Variants in PPP2R2C observed in about 807,000 individuals in gnomAD.
PPP2R2C encodes the protein protein phosphatase 2 regulatory subunit Bgamma.
PPP2R2C carries 10 observed loss-of-function variants against 45.3 expected under a neutral mutation model. That is an observed-to-expected ratio of 0.22 (90% CI 0.14 to 0.37). The LOEUF is 0.37. PPP2R2C is among the 10% of genes least tolerant of loss of function. PPP2R2C has a pLI of 1.00. For missense variants in PPP2R2C, 308 were observed against 619.7 expected (o/e 0.50, Z 5.34); for synonymous variants, 257 against 245.4 (o/e 1.05, Z -0.44).
chr4:6,488,678 T>G (rs536534042), intron 2 of PPP2R2C, among the ~76,000 whole-genome samples: 1 of 117,792 alleles, frequency 8.5e-6, no homozygotes, highest in Non-Finnish European at 2.0e-5. Flanking sequence ...AGCAAAACCC[T>G]GTCTAAAAAA....
chr4:6,414,881 G>A (rs547377449), intron 1 of PPP2R2C, among the ~76,000 whole-genome samples: 1 of 152,206 alleles, frequency 6.6e-6, no homozygotes, highest in African/African-American at 2.4e-5. Flanking sequence ...CTAGCCGCCT[G>A]TGGATGCTCA....
chr4:6,408,780 G>T (rs1717967794), intron 1 of PPP2R2C, among the ~76,000 whole-genome samples: 2 of 152,066 alleles, frequency 1.3e-5, no homozygotes, highest in Non-Finnish European at 2.9e-5. Context: ...TGCAGAGGCA[G>T]TGGGTAGAGA....
intron 1 of PPP2R2C, among the ~76,000 whole-genome samples, chr4:6,459,792 C>A (rs1220486572): frequency 1.3e-5 from 2 of 150,386 alleles, no homozygotes; most frequent in South Asian, 2.1e-4. Flanking sequence ...GTCACACACA[C>A]ACAAAAAAAC....
In PPP2R2C at chr4:6,472,397, G is replaced by A; in HGVS notation, c.-168C>T. The A allele has an allele frequency of 1.1e-6, 1 of 919,598 alleles. No individual in the cohort carries two copies. The highest frequency in any genetic ancestry group is 1.3e-6 in the Non-Finnish European group (1 of 770,290). 57.0% of individuals were successfully genotyped at this position (919,598 alleles called of 1,614,324 possible). A position where few individuals can be genotyped will look rare whatever the true frequency, so the allele number is the denominator to read the frequency against. On this transcript the variant is annotated 5_prime_UTR_variant, in exon 1 of 9. Coordinates refer to ENST00000382599, the MANE Select transcript of PPP2R2C (RefSeq NM_020416.4). ...GCAGGGGGACGGGCGGGGGCGGCCG[G>A]GGGCGGGCGCCGCGGTCAAGCGAGC...
intron 2 of PPP2R2C, among the ~76,000 whole-genome samples, chr4:6,534,097 C>T (rs1443126392): frequency 2.0e-5 from 3 of 149,958 alleles, no homozygotes; most frequent in African/African-American, 7.4e-5. Flanking sequence ...AACACATACA[C>T]TAAAACACAC....
chr4:6,418,075 A>C (rs1718716327), intron 1 of PPP2R2C, among the ~76,000 whole-genome samples: 1 of 152,138 alleles, frequency 6.6e-6, no homozygotes. Context: ...CGCCTTGGGA[A>C]GTCACTTGCT....
At chr4:6,541,500 C>G (rs1724801358) in intron 1 of PPP2R2C, among the ~76,000 whole-genome samples, 1 of 152,134 alleles carries the variant, frequency 6.6e-6, no homozygotes, top group Non-Finnish European at 1.5e-5. Context: ...CTCAAAAACC[C>G]TGCCCTGACC....
Position 6,345,726 on chromosome 4 carries a change from C to A in PPP2R2C, c.790+2120G>T, listed in dbSNP as rs533365414. ...GGCCAGTGAGCTGGCTGTGGGACTG[C>A]GGACTGAGACTATACATATGCCCTG... On this transcript the variant is annotated intron_variant, in intron 6 of 8. Coordinates refer to ENST00000382599, the MANE Select transcript of PPP2R2C (RefSeq NM_020416.4). The surrounding 1 kb of genome is among the most constrained non-coding windows in gnomAD (Gnocchi z 5.3). 6.6e-6 allele frequency among the ~76,000 whole-genome samples: 1 copy of A among 152,054 alleles called. No homozygotes were observed. The highest frequency in any genetic ancestry group is 1.5e-5 in the Non-Finnish European group (1 of 68,014).
intron 1 of PPP2R2C, among the ~76,000 whole-genome samples, chr4:6,554,062 G>A (rs1313158242): frequency 6.6e-6 from 1 of 152,212 alleles, no homozygotes; most frequent in Non-Finnish European, 1.5e-5. Context: ...GGGGGTGACT[G>A]CTATGGGTTG....
At chr4:6,505,428 C>A (rs1723192552) in intron 2 of PPP2R2C, among the ~76,000 whole-genome samples, 1 of 152,142 alleles carries the variant, frequency 6.6e-6, no homozygotes, top group African/African-American at 2.4e-5. Context: ...AAAATCATTA[C>A]ATTGTATTGT....
intron 2 of PPP2R2C, among the ~76,000 whole-genome samples, chr4:6,481,952 C>T (rs1722367362): frequency 7.9e-6 from 1 of 127,096 alleles, no homozygotes. Context: ...GCACTCCAGC[C>T]TGGGTGACAG....
chr4:6,507,172 C>T (rs1420732170), intron 2 of PPP2R2C, among the ~76,000 whole-genome samples: 3 of 152,196 alleles, frequency 2.0e-5, no homozygotes, highest in Non-Finnish European at 4.4e-5. Flanking sequence ...GTTTGCAATG[C>T]CTGGTGTAGA....
At chr4:6,505,826 C>T (rs945418553) in intron 2 of PPP2R2C, among the ~76,000 whole-genome samples, 4 of 151,944 alleles carry the variant, frequency 2.6e-5, no homozygotes, top group African/African-American at 4.8e-5. Context: ...ATTAGCTGGG[C>T]GTGGTGGTAC....
rs1040284909 is a variant in PPP2R2C, at chr4:6,471,057, C to T, written c.70+1103G>A. On this transcript the variant is annotated intron_variant, in intron 1 of 8. Transcript: ENST00000382599. This position sits in a 1 kb window ranked among gnomAD's most constrained non-coding sequence, Gnocchi z 5.6. ...CCAGGCTTCGAGGAGGCGGACCCAG[C>T]CGCAGGAGCCCGGTCTCCGCCGCCT... Among the ~76,000 whole-genome samples the T allele has an allele frequency of 2.0e-5, 3 of 152,146 alleles. No individual in the cohort carries two copies. Among genetic ancestry groups the T allele is most frequent in the Non-Finnish European group, 4.4e-5 (3 of 68,000 alleles).
At chr4:6,458,369 T>C (rs73207833) in intron 1 of PPP2R2C, among the ~76,000 whole-genome samples, 13,944 of 152,244 alleles carry the variant, frequency 0.092, 848 homozygotes, top group Non-Finnish European at 0.14. Context: ...GCAGATTTGG[T>C]GTCCACTGAG....
Position 6,535,102 on chromosome 4 carries a change from G to A in PPP2R2C, c.49+169C>T, listed in dbSNP as rs1560608285. 2.6e-5 allele frequency among the ~76,000 whole-genome samples: 4 copies of A among 152,290 alleles called. 1 individual carries two copies. In the South Asian group the frequency reaches 8.3e-4, roughly 32 times the overall value. ...GGTGGGGCCAGGGCCCAGGCGGCAG[G>A]AGCCAGGGTCGGGGGCCCAGGGGCC... On this transcript the variant is annotated intron_variant, in intron 2 of 9. Coordinates refer to the PPP2R2C transcript ENST00000506140.
At chr4:6,380,158 C>G (rs979139132) in intron 2 of PPP2R2C, 1 of 152,434 alleles carries the variant, frequency 6.6e-6, no homozygotes, top group African/African-American at 2.4e-5. Context: ...GTCCTGGCGT[C>G]GGGCAGCCAG....
chr4:6,347,030 G>A (rs1712024267), intron 6 of PPP2R2C, among the ~76,000 whole-genome samples: 1 of 152,216 alleles, frequency 6.6e-6, no homozygotes, highest in Admixed American at 6.5e-5. Context: ...GCCGTGGCCT[G>A]ATCCCTCGCC....
intron 1 of PPP2R2C, among the ~76,000 whole-genome samples, chr4:6,421,860 C>G (rs1373991970): frequency 6.6e-6 from 1 of 152,214 alleles, no homozygotes; most frequent in East Asian, 1.9e-4. Context: ...CAGGCCAGGT[C>G]TGCTTACCTT....
Sources: gnomAD v4.1 joint callset for allele counts (sites outside exome capture counted in the v4.1 genomes callset) on GRCh38, gnomAD v4.1.1 for gene constraint, Gnocchi (gnomAD v3.1) non-coding constraint, MANE v1.5 for transcripts, NCBI Gene and HGNC (gene_info 2026-07-23, HGNC 2026-07-21) for gene names.